Variants in CHRM5 observed in about 807,000 individuals in gnomAD.
CHRM5 encodes the protein muscarinic acetylcholine receptor M5.
A neutral mutation model predicts 39.0 loss-of-function variants in CHRM5; 18 were observed. That is an observed-to-expected ratio of 0.46 (90% CI 0.32 to 0.68). CHRM5 has a LOEUF of 0.68. CHRM5 is among the 30% of genes least tolerant of loss of function. CHRM5 has a pLI of 0.04. For synonymous variants in CHRM5, 241 were observed against 246.3 expected, an observed-to-expected ratio of 0.98 and a Z score of 0.20; for missense variants, 515 against 651.1, an observed-to-expected ratio of 0.79 and a Z score of 2.28.
chr15:33,970,004 T>C (rs1354745463), intron 1 of CHRM5, among the ~76,000 whole-genome samples: 1 of 152,002 alleles, frequency 6.6e-6, no homozygotes, highest in Non-Finnish European at 1.5e-5. Context: ...CACATTGGTT[T>C]TCATGAGTTT....
In CHRM5 at chr15:34,059,784, C is replaced by T. The variant is rs139938163; in HGVS notation, c.-75-2859C>T. On this transcript the variant is annotated intron_variant, in intron 2 of 2. Transcript: ENST00000383263. ...TCTTAGGTCTCTTCCTCAGGAAGTG[C>T]TTCCCATGTCCACTCAACGAGGCTG... is the stretch of plus-strand genomic sequence containing the variant. 4.1e-3 allele frequency among the ~76,000 whole-genome samples: 629 copies of T among 152,324 alleles called. 5 individuals are homozygous for T. The highest frequency in any genetic ancestry group is 0.013 in the African/African-American group (552 of 41,578).
chr15:34,012,664 T>C (rs1432584974), intron 1 of CHRM5, among the ~76,000 whole-genome samples: 2 of 152,212 alleles, frequency 1.3e-5, no homozygotes, highest in Non-Finnish European at 1.5e-5. Flanking sequence ...CATTCCACTT[T>C]CCAGAAAAAT....
intron 2 of CHRM5, among the ~76,000 whole-genome samples, chr15:34,050,035 C>T (rs1333027766): frequency 6.6e-6 from 1 of 151,994 alleles, no homozygotes; most frequent in Non-Finnish European, 1.5e-5. Flanking sequence ...CTACAGGCAC[C>T]TGCCACCATG....
At chr15:33,984,745 C>T (rs1896347902) in intron 1 of CHRM5, among the ~76,000 whole-genome samples, 1 of 152,080 alleles carries the variant, frequency 6.6e-6, no homozygotes, top group Admixed American at 6.5e-5. Flanking sequence ...CATTGAAGAA[C>T]AAACATCTTC....
In CHRM5 at chr15:34,063,144, A is replaced by C; in HGVS notation, c.427A>C (p.Thr143Pro). ...ACCCTTGACATATCGGGCCAAGCGT[A>C]CTCCGAAAAGGGCTGGCATCATGAT... Reference protein sequence around the residue: ...TRPLTYRAKRTPKRAGIMIGL... With the variant: ...TRPLTYRAKRPPKRAGIMIGL... Residue 143 changes from threonine to proline, a missense_variant, in exon 3 of 3, where the codon ACT (threonine) becomes CCT (proline). By Grantham distance (38) the Thr-to-Pro change is conservative. Transcript: ENST00000383263. This position sits in a 1 kb window ranked among gnomAD's most constrained non-coding sequence, Gnocchi z 4.1. 6.2e-7 allele frequency: 1 copy of C among 1,614,044 alleles called. No homozygotes were observed. Among genetic ancestry groups the C allele is most frequent in the Non-Finnish European group, 8.5e-7 (1 of 1,180,010 alleles).
chr15:33,989,505 G>A (rs557837980), intron 1 of CHRM5, among the ~76,000 whole-genome samples: 2 of 148,656 alleles, frequency 1.3e-5, no homozygotes, highest in African/African-American at 2.5e-5. Flanking sequence ...ATCCCCTGAC[G>A]CCCACCAAGT....
chr15:34,004,571 G>A (rs1298540771), intron 1 of CHRM5, among the ~76,000 whole-genome samples: 2 of 152,140 alleles, frequency 1.3e-5, no homozygotes, highest in Non-Finnish European at 2.9e-5. Context: ...TTTATTGTTT[G>A]TTTGTTATAA....
At chr15:34,041,619 T>A (rs1597382438) in intron 1 of CHRM5, among the ~76,000 whole-genome samples, 1 of 152,224 alleles carries the variant, frequency 6.6e-6, no homozygotes, top group Admixed American at 6.5e-5. Context: ...GTAACACTTT[T>A]GAAAGGTATG....
At chr15:33,971,524 C>T (rs1161653559) in intron 1 of CHRM5, among the ~76,000 whole-genome samples, 1 of 151,848 alleles carries the variant, frequency 6.6e-6, no homozygotes, top group Non-Finnish European at 1.5e-5. Context: ...GTTGACATAA[C>T]AATCTTAAAA....
chr15:34,038,589 G>C (rs1279335723), intron 1 of CHRM5, among the ~76,000 whole-genome samples: 3 of 146,920 alleles, frequency 2.0e-5, no homozygotes, highest in African/African-American at 5.2e-5. Flanking sequence ...CGAGGGCCAA[G>C]CGCATACCCA....
At chr15:33,977,744 T>C (rs905278800) in intron 1 of CHRM5, among the ~76,000 whole-genome samples, 1 of 149,940 alleles carries the variant, frequency 6.7e-6, no homozygotes, top group African/African-American at 2.4e-5. Flanking sequence ...AGCAAGTAAG[T>C]CCTCCCTGGC....
At chr15:34,013,389 AAC>A (rs759565235) in intron 1 of CHRM5, among the ~76,000 whole-genome samples, 28 of 152,106 alleles carry the variant, frequency 1.8e-4, no homozygotes, top group Non-Finnish European at 3.8e-4. Context: ...TGAAAATAAA[AAC>A]AGTCACCTTG....
chr15:33,988,778 T>G (rs1259913284), intron 1 of CHRM5, among the ~76,000 whole-genome samples: 2 of 152,236 alleles, frequency 1.3e-5, no homozygotes, highest in Non-Finnish European at 2.9e-5. Context: ...ATAAATGACC[T>G]TGCTCTATCC....
intron 1 of CHRM5, among the ~76,000 whole-genome samples, chr15:34,043,342 T>C (rs1213444559): frequency 1.3e-5 from 2 of 152,146 alleles, no homozygotes; most frequent in Admixed American, 6.5e-5. Context: ...ACTGTCCTCT[T>C]GCAAATATAA....
rs1597287353 is a variant in CHRM5 at position 33,968,971 on chromosome 15, C to G, written c.-587C>G. ...CTATCCAAATGGAGTCTTCATCTAC[C>G]GCATACTATCCTAACTAATGCTACA... is the stretch of plus-strand genomic sequence containing the variant. On this transcript the variant is annotated 5_prime_UTR_variant, in exon 1 of 3. Coordinates refer to ENST00000383263, the MANE Select transcript of CHRM5 (RefSeq NM_012125.4). 6.6e-6 allele frequency: 1 copy of G among 151,990 alleles called. No homozygotes were observed. Among genetic ancestry groups the G allele is most frequent in the Non-Finnish European group, 1.5e-5 (1 of 67,932 alleles). The allele number at this position is 151,990 out of a possible 1,614,324, so 9.4% of individuals were successfully genotyped here.
At chr15:34,014,946 G>A (rs1291589444) in intron 1 of CHRM5, among the ~76,000 whole-genome samples, 1 of 152,158 alleles carries the variant, frequency 6.6e-6, no homozygotes, top group Non-Finnish European at 1.5e-5. Context: ...TCAGATACAG[G>A]GGGTGAGGGG....
Position 34,064,326 on chromosome 15 carries a change from A to G in CHRM5, c.*10A>G, listed in dbSNP as rs1900454310. 6.2e-7 allele frequency: 1 copy of G among 1,603,972 alleles called. No individual in the cohort carries two copies. The highest frequency in any genetic ancestry group is 1.3e-5 in the African/African-American group (1 of 74,472). ...CAGCAAGCTACCCTGAAAAGTCAAC[A>G]ACTCCTCTCGAAAGAACAATGACCA... is the stretch of plus-strand genomic sequence containing the variant. On this transcript the variant is annotated 3_prime_UTR_variant, in exon 3 of 3. Transcript: ENST00000383263.
intron 1 of CHRM5, among the ~76,000 whole-genome samples, chr15:34,039,409 C>A (rs1477111646): frequency 2.5e-4 from 2 of 8,072 alleles, no homozygotes; most frequent in African/African-American, 3.2e-4. Context: ...TGTGAACTCT[C>A]GGAAAAAAAA....
intron 1 of CHRM5, among the ~76,000 whole-genome samples, chr15:33,995,599 G>A (rs1896899959): frequency 6.6e-6 from 1 of 152,116 alleles, no homozygotes; most frequent in Non-Finnish European, 1.5e-5. Flanking sequence ...TTGACAGGTG[G>A]GACCTAATTA....
Sources: allele counts gnomAD v4.1 joint callset (sites outside exome capture counted in the v4.1 genomes callset), GRCh38; gene constraint gnomAD v4.1.1; non-coding constraint Gnocchi (gnomAD v3.1); transcripts MANE v1.5; gene names NCBI Gene and HGNC (gene_info 2026-07-23, HGNC 2026-07-21).